The following ARK2N variants were observed in gnomAD, a reference collection of about 807,000 sequenced individuals.
The protein encoded by ARK2N is protein ARK2N.
At chr18:46,203,842 C>T in the ARK2N span, among the ~76,000 whole-genome samples, 47 of 152,268 alleles carry the variant, frequency 3.1e-4, no homozygotes, top group Admixed American at 7.2e-4. Flanking sequence ...CTGCCTCGGC[C>T]TCTCAAAGTA....
the ARK2N span, among the ~76,000 whole-genome samples, chr18:46,203,771 G>C: frequency 6.6e-6 from 1 of 152,094 alleles, no homozygotes; most frequent in Non-Finnish European, 1.5e-5. Context: ...ATTTTTAGTA[G>C]AGATGGGGTT....
At chr18:46,252,700 A>T in the ARK2N span, among the ~76,000 whole-genome samples, 1 of 152,290 alleles carries the variant, frequency 6.6e-6, no homozygotes, top group African/African-American at 2.4e-5. Flanking sequence ...GAGAATTTGT[A>T]CTCATTGCAA....
the ARK2N span, among the ~76,000 whole-genome samples, chr18:46,213,800 A>G: frequency 2.6e-5 from 4 of 152,070 alleles, no homozygotes; most frequent in Admixed American, 2.6e-4. Context: ...AGGTTCAAGC[A>G]GTTCTTTTGC....
the ARK2N span, among the ~76,000 whole-genome samples, chr18:46,177,667 A>T: frequency 3.3e-5 from 5 of 151,624 alleles, no homozygotes; most frequent in Non-Finnish European, 4.4e-5. Flanking sequence ...ACCTCAAGTG[A>T]TCACCTGCCT....
At chr18:46,175,289 A>G in the ARK2N span, among the ~76,000 whole-genome samples, 1,508 of 152,202 alleles carry the variant, frequency 9.9e-3, 27 homozygotes, top group African/African-American at 0.034. Context: ...AGTAGAATTA[A>G]AATCCTACTG....
At chr18:46,242,993 G>A in the ARK2N span, among the ~76,000 whole-genome samples, 3 of 152,130 alleles carry the variant, frequency 2.0e-5, no homozygotes, top group African/African-American at 4.8e-5. Flanking sequence ...TATAAATTTT[G>A]TGTAGGTTTC....
At chr18:46,184,555 C>T in the ARK2N span, among the ~76,000 whole-genome samples, 4 of 152,190 alleles carry the variant, frequency 2.6e-5, no homozygotes, top group Non-Finnish European at 4.4e-5. Context: ...AACTCCGTCT[C>T]TCCTAAAAAT....
the ARK2N span, among the ~76,000 whole-genome samples, chr18:46,188,468 C>T: frequency 6.6e-6 from 1 of 152,118 alleles, no homozygotes; most frequent in Non-Finnish European, 1.5e-5. Context: ...TCCCAAAGTG[C>T]TGGGATTACA....
chr18:46,240,177 T>C, the ARK2N span: 1 of 1,614,140 alleles, frequency 6.2e-7, no homozygotes, highest in Non-Finnish European at 8.5e-7. Flanking sequence ...AGGAGCTGAA[T>C]GCAGAGGCAG....
At chr18:46,244,001 A>G in the ARK2N span, among the ~76,000 whole-genome samples, 3 of 152,194 alleles carry the variant, frequency 2.0e-5, no homozygotes, top group Non-Finnish European at 4.4e-5. Flanking sequence ...TGCTCTTGCT[A>G]CAAGTACTTC....
At chr18:46,254,658 A>G in the ARK2N span, among the ~76,000 whole-genome samples, 2 of 152,248 alleles carry the variant, frequency 1.3e-5, no homozygotes, top group African/African-American at 2.4e-5. Context: ...TTCATTTTAT[A>G]TATAATCATC....
the ARK2N span, among the ~76,000 whole-genome samples, chr18:46,222,790 C>T: frequency 6.6e-6 from 1 of 152,200 alleles, no homozygotes; most frequent in South Asian, 2.1e-4. Flanking sequence ...CCCCCTTCTC[C>T]CACGTAGCCA....
At chr18:46,258,763 T>G in the ARK2N span, among the ~76,000 whole-genome samples, 7 of 152,012 alleles carry the variant, frequency 4.6e-5, no homozygotes, top group Non-Finnish European at 2.9e-5. Context: ...CCTCATGTCT[T>G]TCATGATACA....
At chr18:46,186,117 G>A in the ARK2N span, among the ~76,000 whole-genome samples, 1 of 152,162 alleles carries the variant, frequency 6.6e-6, no homozygotes, top group African/African-American at 2.4e-5. Flanking sequence ...AGAGCTAGGA[G>A]TGTTTTTATT....
the ARK2N span, among the ~76,000 whole-genome samples, chr18:46,236,830 GT>G: frequency 0.52 from 76,982 of 148,628 alleles, 20,204 homozygotes; most frequent in Middle Eastern, 0.6. Context: ...AGCAGCTTCT[GT>G]TTTTTTTTTG....
At chr18:46,266,104 C>T in the ARK2N span, 1 of 152,278 alleles carries the variant, frequency 6.6e-6, no homozygotes, top group Non-Finnish European at 1.5e-5. Context: ...TCAGTTTATT[C>T]TTGGCAATCA....
the ARK2N span, among the ~76,000 whole-genome samples, chr18:46,175,112 A>ACCCCCCCCCCCCCCCCCCCCT: frequency 7.5e-6 from 1 of 133,420 alleles, no homozygotes; most frequent in Non-Finnish European, 1.6e-5. Flanking sequence ...AAAATTGTCC[A>ACCCCCCCCCCCCCCCCCCCCT]CCCCCCCGCC....
chr18:46,187,010 A>G, the ARK2N span, among the ~76,000 whole-genome samples: 1 of 151,280 alleles, frequency 6.6e-6, no homozygotes, highest in African/African-American at 2.4e-5. Flanking sequence ...ATGCGTCATC[A>G]TGACTGGCAA....
At chr18:46,223,237 T>C in the ARK2N span, among the ~76,000 whole-genome samples, 1 of 152,240 alleles carries the variant, frequency 6.6e-6, no homozygotes, top group Non-Finnish European at 1.5e-5. Flanking sequence ...AGTCTTTTTT[T>C]CCATAAGCTA....
Sources: gnomAD v4.1 joint callset for allele counts (sites outside exome capture counted in the v4.1 genomes callset) on GRCh38, gnomAD v4.1.1 for gene constraint, MANE v1.5 for transcripts, NCBI Gene and HGNC (gene_info 2026-07-23, HGNC 2026-07-21) for gene names.